NCAM2: variants seen among roughly 807,000 people sequenced by gnomAD.
NCAM2 encodes the protein neural cell adhesion molecule 2.
A neutral mutation model predicts 98.1 loss-of-function variants in NCAM2; 30 were observed. The ratio of observed to expected loss-of-function variants is 0.31; its 90% CI spans 0.23 to 0.41. The LOEUF (loss-of-function observed/expected upper bound fraction) is 0.41, where lower values mean the gene tolerates loss of function less well. Ranked by LOEUF, NCAM2 falls within the 10% of genes least tolerant of loss-of-function variation. NCAM2 has a pLI of 1.00. For synonymous variants in NCAM2, 368 were observed against 342.4 expected, an observed-to-expected ratio of 1.07 and a Z score of -0.83; for missense variants, 867 against 1,005.8, an observed-to-expected ratio of 0.86 and a Z score of 1.87.
chr21:21,275,268 A>G (rs1010132164), intron 1 of NCAM2, among the ~76,000 whole-genome samples: 4 of 151,486 alleles, frequency 2.6e-5, no homozygotes, highest in African/African-American at 7.3e-5. Context: ...GTGAAACCCC[A>G]TCTCTACTAA....
chr21:21,091,181 A>C (rs909595565), intron 1 of NCAM2, among the ~76,000 whole-genome samples: 6 of 152,194 alleles, frequency 3.9e-5, no homozygotes, highest in African/African-American at 1.4e-4. Context: ...AAACTACATG[A>C]CACTGCTCAC....
intron 1 of NCAM2, among the ~76,000 whole-genome samples, chr21:21,200,034 T>G (rs2069152607): frequency 6.6e-6 from 1 of 152,120 alleles, no homozygotes; most frequent in Admixed American, 6.6e-5. Flanking sequence ...CCCCGAATTG[T>G]CAGGGATTCC....
chr21:21,206,303 AGTTGTGAAAG>A (rs907465913), intron 1 of NCAM2, among the ~76,000 whole-genome samples: 1 of 152,202 alleles, frequency 6.6e-6, no homozygotes, highest in Admixed American at 6.5e-5. Flanking sequence ...TACAACATAA[AGTTGTGAAAG>A]CTCTTGAAAA....
chr21:21,203,327 C>G (rs1307761393), intron 1 of NCAM2, among the ~76,000 whole-genome samples: 1 of 152,098 alleles, frequency 6.6e-6, no homozygotes, highest in Non-Finnish European at 1.5e-5. Flanking sequence ...TTCATTTATG[C>G]TCACATATTT....
Position 21,443,295 on chromosome 21 carries a change from G to T in NCAM2, c.1654+11014G>T, listed in dbSNP as rs182444222. 3.3e-3 allele frequency among the ~76,000 whole-genome samples: 504 copies of T among 152,184 alleles called. 5 individuals are homozygous for T. The highest frequency in any genetic ancestry group is 0.012 in the African/African-American group (480 of 41,514). On this transcript the variant is annotated intron_variant, in intron 12 of 17. Transcript: ENST00000400546. Reference sequence around the variant, plus strand: ...CTGCCGAGGGGTGGGAGCCTGGGGAGGGATAACATTAGGAGAAATACCTAA... The same window carrying T: ...CTGCCGAGGGGTGGGAGCCTGGGGATGGATAACATTAGGAGAAATACCTAA...
chr21:21,200,023 C>T (rs2069152011), intron 1 of NCAM2, among the ~76,000 whole-genome samples: 1 of 152,012 alleles, frequency 6.6e-6, no homozygotes, highest in Admixed American at 6.6e-5. Context: ...ATGAAGACTG[C>T]CCCCGAATTG....
At chr21:21,054,400 C>T (rs9637132) in intron 1 of NCAM2, among the ~76,000 whole-genome samples, 9,083 of 151,962 alleles carry the variant, frequency 0.06, 288 homozygotes, top group East Asian at 0.096. Context: ...TCTAACAGAT[C>T]AGCGTAAAAT....
At chr21:21,244,703 C>T (rs561195493) in intron 1 of NCAM2, among the ~76,000 whole-genome samples, 20 of 151,564 alleles carry the variant, frequency 1.3e-4, no homozygotes, top group South Asian at 4.2e-4. Flanking sequence ...AGAAATTAGC[C>T]GGGAGTGGTG....
At chr21:21,420,323 G>A (rs1482893967) in intron 11 of NCAM2, among the ~76,000 whole-genome samples, 2 of 151,928 alleles carry the variant, frequency 1.3e-5, no homozygotes, top group East Asian at 3.9e-4. Context: ...AAACCAGAAA[G>A]CCAGATATTG....
At chr21:21,313,174 C>A (rs2074110817) in intron 5 of NCAM2, among the ~76,000 whole-genome samples, 1 of 151,706 alleles carries the variant, frequency 6.6e-6, no homozygotes. Flanking sequence ...AAATAAACTT[C>A]ATTTAAAAAA....
chr21:21,477,219 A>G, intron 14 of NCAM2, 72 bp from the exon 15 acceptor site: 2 of 1,184,714 alleles, frequency 1.7e-6, no homozygotes, highest in East Asian at 5.2e-5. Context: ...TCCAATTCCA[A>G]TATAATTTTT....
chr21:21,394,396 G>GA (rs1229280350), intron 9 of NCAM2, among the ~76,000 whole-genome samples: 10 of 135,472 alleles, frequency 7.4e-5, no homozygotes, highest in East Asian at 2.2e-4. Context: ...TTAAATGACT[G>GA]AAAAAAAAGA....
intron 8 of NCAM2, among the ~76,000 whole-genome samples, chr21:21,368,243 A>T (rs966380569): frequency 1.3e-5 from 2 of 151,950 alleles, no homozygotes; most frequent in African/African-American, 4.8e-5. Context: ...TTATACCTAA[A>T]GGGTCTGTGA....
chr21:21,123,848 C>CTTTTTTTTTTTTTTTTTTTTTT (rs71193401), intron 1 of NCAM2, among the ~76,000 whole-genome samples: 3 of 86,656 alleles, frequency 3.5e-5, no homozygotes, highest in Admixed American at 1.9e-4. Context: ...TTCTTGATTG[C>CTTTTTTTTTTTTTTTTTTTTTT]TTTTTTTTTT....
intron 1 of NCAM2, among the ~76,000 whole-genome samples, chr21:21,221,483 T>C (rs1311759716): frequency 8.2e-6 from 1 of 122,202 alleles, no homozygotes; most frequent in Non-Finnish European, 1.8e-5. Context: ...TAAAATGTAC[T>C]CCATTTAACA....
At chr21:21,217,016 T>G (rs1303040932) in intron 1 of NCAM2, among the ~76,000 whole-genome samples, 5 of 152,190 alleles carry the variant, frequency 3.3e-5, no homozygotes, top group Non-Finnish European at 7.3e-5. Context: ...ACAAAGCTGT[T>G]TTTTAAACTT....
chr21:21,309,960 T>C (rs1239643376), intron 5 of NCAM2, among the ~76,000 whole-genome samples: 1 of 152,212 alleles, frequency 6.6e-6, no homozygotes, highest in Non-Finnish European at 1.5e-5. Context: ...GGTGCTAAGA[T>C]AAATTGGGTA....
intron 1 of NCAM2, among the ~76,000 whole-genome samples, chr21:21,040,056 T>C (rs1568956269): frequency 6.6e-6 from 1 of 152,208 alleles, no homozygotes; most frequent in Admixed American, 6.5e-5. Context: ...TGTAATTCTC[T>C]CTACAGTCCT....
chr21:21,385,395 C>CACACACACACACACACACACAT (rs141149066), intron 9 of NCAM2, among the ~76,000 whole-genome samples: 13 of 150,558 alleles, frequency 8.6e-5, no homozygotes, highest in East Asian at 7.9e-4. Flanking sequence ...CACACACACA[C>CACACACACACACACACACACAT]ACACGCACAC....
Sources: gnomAD v4.1 joint callset for allele counts (sites outside exome capture counted in the v4.1 genomes callset) on GRCh38, gnomAD v4.1.1 for gene constraint, MANE v1.5 for transcripts, NCBI Gene and HGNC (gene_info 2026-07-23, HGNC 2026-07-21) for gene names.